Variants in CDKL1 observed in about 807,000 individuals in gnomAD.
CDKL1 encodes cyclin dependent kinase like 1.
In CDKL1, 41 loss-of-function variants were observed where a neutral mutation model predicts 42.0. The observed-to-expected ratio is 0.98, with a 90% CI of 0.76 to 1.27. The LOEUF is 1.27. Among genes scored for constraint, CDKL1 ranks in the 50% most tolerant of loss-of-function variants. The pLI is 0.00. For missense variants in CDKL1, 394 were observed against 428.4 expected (o/e 0.92, Z 0.71); for synonymous variants, 153 against 158.6 (o/e 0.96, Z 0.26).
intron 2 of CDKL1, among the ~76,000 whole-genome samples, chr14:50,391,750 G>A (rs952636654): frequency 8.6e-5 from 13 of 152,036 alleles, no homozygotes; most frequent in African/African-American, 1.7e-4. Context: ...TCAAGGTCAC[G>A]GGTCCAGCAA....
chr14:50,331,898 A>G, intron 9 of CDKL1: 1 of 841,938 alleles, frequency 1.2e-6, no homozygotes, highest in Non-Finnish European at 1.8e-6. Flanking sequence ...TAGTTTTAAT[A>G]CTAAAAGTGT....
rs192595063 is a variant in CDKL1 at position 50,344,955 on chromosome 14, G to C, written c.363+31C>G. The stretch of plus-strand genomic sequence containing the variant: ...TCCACCTCAGCTTAAGGGGAGCCTT[G>C]TTGCTTTTCAAAAGAGATCATGAGA... On this transcript the variant is annotated intron_variant, in intron 4 of 9. Coordinates refer to ENST00000395834, the MANE Select transcript of CDKL1 (RefSeq NM_004196.7). 3 of 1,577,136 alleles carry C rather than the reference G, an allele frequency of 1.9e-6. No individual in the cohort carries two copies. In the East Asian group the frequency reaches 6.7e-5, roughly 35 times the overall value.
At chr14:50,397,073 G>A (rs755122299), upstream of CDKL1, 2 of 1,338,866 alleles carry the variant, frequency 1.5e-6, no homozygotes, top group Non-Finnish European at 9.9e-7. Flanking sequence ...GCCGAGTCCT[G>A]CTGCCGGGAG....
At chr14:50,371,073 T>C (rs1288190012) in intron 2 of CDKL1, among the ~76,000 whole-genome samples, 1 of 152,224 alleles carries the variant, frequency 6.6e-6, no homozygotes, top group Non-Finnish European at 1.5e-5. Flanking sequence ...TTGTCACAAA[T>C]GTCAGAATTT....
At chr14:50,387,547 C>A (rs901742361) in intron 2 of CDKL1, among the ~76,000 whole-genome samples, 1 of 151,764 alleles carries the variant, frequency 6.6e-6, no homozygotes, top group African/African-American at 2.4e-5. Context: ...ACTGAAAACC[C>A]AGCACCTTAG....
chr14:50,362,718 G>A (rs549307472), intron 2 of CDKL1, among the ~76,000 whole-genome samples: 38 of 152,294 alleles, frequency 2.5e-4, no homozygotes, highest in African/African-American at 7.7e-4. Context: ...GAACTTTTGT[G>A]TCTAGCTCAG....
At chr14:50,345,348 A>T (rs1566582022) in intron 3 of CDKL1, among the ~76,000 whole-genome samples, 1 of 152,248 alleles carries the variant, frequency 6.6e-6, no homozygotes, top group Non-Finnish European at 1.5e-5. Flanking sequence ...TATCTCAAAC[A>T]TCTGTGACAC....
chr14:50,357,242 T>C (rs1301797837), intron 3 of CDKL1: 1 of 152,214 alleles, frequency 6.6e-6, no homozygotes, highest in Non-Finnish European at 1.5e-5. Context: ...CATTCTGAAA[T>C]ATGAAAAGTC....
At chr14:50,337,596 T>C (rs540297111) in intron 7 of CDKL1, among the ~76,000 whole-genome samples, 1 of 152,090 alleles carries the variant, frequency 6.6e-6, no homozygotes, top group South Asian at 2.1e-4. Context: ...CAAGCAATAT[T>C]TCACCTCAGT....
At chr14:50,337,681 C>CT (rs71118872) in intron 7 of CDKL1, among the ~76,000 whole-genome samples, 69,681 of 133,534 alleles carry the variant, frequency 0.52, 18,612 homozygotes, top group East Asian at 0.62. Flanking sequence ...TTTTTTCTTT[C>CT]TTTTTTTTTT....
chr14:50,387,378 T>C (rs2035117801), intron 2 of CDKL1, among the ~76,000 whole-genome samples: 1 of 151,196 alleles, frequency 6.6e-6, no homozygotes, highest in African/African-American at 2.4e-5. Flanking sequence ...AAGAAATTAG[T>C]TAGGCATGGT....
intron 2 of CDKL1, among the ~76,000 whole-genome samples, chr14:50,379,398 A>G (rs1290545392): frequency 5.3e-5 from 8 of 152,178 alleles, no homozygotes; most frequent in African/African-American, 1.9e-4. Context: ...GCCCAGTGGC[A>G]TCTTCAAGAG....
At chr14:50,334,755 G>T (rs542227429) in intron 7 of CDKL1, 134 bp from the exon 8 acceptor site, 3 of 639,744 alleles carry the variant, frequency 4.7e-6, no homozygotes, top group Admixed American at 2.6e-5. Context: ...CCAACCTCCT[G>T]CCCAAAACAG....
Position 50,357,998 on chromosome 14 carries a change from T to C in CDKL1, c.290+1030A>G, listed in dbSNP as rs758119670. Reference sequence around the variant, plus strand: ...TGAAAACACCCAGCTGAGGAGTGGGTGGGAGCTGGAATCCAGTCCTCTCAC... The same window carrying C: ...TGAAAACACCCAGCTGAGGAGTGGGCGGGAGCTGGAATCCAGTCCTCTCAC... On this transcript the variant is annotated intron_variant, in intron 3 of 9. Transcript: ENST00000395834. 6 of 1,304,086 alleles carry C rather than the reference T, an allele frequency of 4.6e-6. 1 individual carries two copies. Among genetic ancestry groups the C allele is most frequent in the Non-Finnish European group, 6.2e-6 (6 of 967,142 alleles). 80.8% of individuals were successfully genotyped at this position (1,304,086 alleles called of 1,614,324 possible).
Position 50,395,765 on chromosome 14 carries a change from A to C in CDKL1, c.104T>G (p.Phe35Cys). ...DTGQIVAIKK[F>C]LESEDDPVIK... ...GACAGGGTCATCTTCTGATTCCAGA[A>C]ACTTCTTGATGGCCACAATCTGACC... The change falls in exon 2 of 10, where the codon TTT becomes TGT. Residue 35 changes from phenylalanine (F) to cysteine (C), a missense_variant. Physicochemically the swap from Phe to Cys is radical, Grantham distance 205. Coordinates refer to ENST00000395834, the MANE Select transcript of CDKL1 (RefSeq NM_004196.7). 6.2e-7 allele frequency: 1 copy of C among 1,614,032 alleles called. No individual in the cohort carries two copies. Among genetic ancestry groups the C allele is most frequent in the Non-Finnish European group, 8.5e-7 (1 of 1,179,862 alleles).
intron 2 of CDKL1, among the ~76,000 whole-genome samples, chr14:50,364,790 A>G (rs1375448378): frequency 1.3e-5 from 2 of 152,150 alleles, no homozygotes; most frequent in Non-Finnish European, 2.9e-5. Context: ...GGTTAAATCT[A>G]TTTTTATTTA....
At chr14:50,330,400 A>G (rs2139348729) in intron 9 of CDKL1, 2 of 478,588 alleles carry the variant, frequency 4.2e-6, no homozygotes, top group South Asian at 6.0e-5. Context: ...ATTAAAGAAG[A>G]TTTAGAGAAT....
At chr14:50,382,659 A>G (rs1405480726) in intron 2 of CDKL1, among the ~76,000 whole-genome samples, 1 of 150,766 alleles carries the variant, frequency 6.6e-6, no homozygotes, top group Non-Finnish European at 1.5e-5. Context: ...CAGTGACTCA[A>G]TCACACTCAC....
intron 2 of CDKL1, chr14:50,390,066 T>C: frequency 2.3e-6 from 2 of 853,218 alleles, no homozygotes; most frequent in South Asian, 2.6e-5. Context: ...GTGTAATTTG[T>C]GCATCCTAAG....
Sources: allele counts gnomAD v4.1 joint callset (sites outside exome capture counted in the v4.1 genomes callset), GRCh38; gene constraint gnomAD v4.1.1; transcripts MANE v1.5; gene names NCBI Gene and HGNC (gene_info 2026-07-23, HGNC 2026-07-21).